ZNF506: variants seen among roughly 807,000 people sequenced by gnomAD.
The protein encoded by ZNF506 is zinc finger protein 506.
A neutral mutation model predicts 11.6 loss-of-function variants in ZNF506; 10 were observed. The ratio of observed to expected loss-of-function variants is 0.86; its 90% CI spans 0.53 to 1.46. The LOEUF (loss-of-function observed/expected upper bound fraction) is 1.46, where lower values mean the gene tolerates loss of function less well. Ranked by LOEUF, ZNF506 falls within the 40% of genes most tolerant of loss-of-function variation. The pLI, the probability that ZNF506 is intolerant of heterozygous loss-of-function variation, is 0.00. For missense variants in ZNF506, 425 were observed against 521.2 expected (o/e 0.82, Z 1.80); for synonymous variants, 156 against 173.3 (o/e 0.90, Z 0.78).
chr19:19,813,115 G>A (rs1452898460), intron 1 of ZNF506, among the ~76,000 whole-genome samples: 1 of 152,104 alleles, frequency 6.6e-6, no homozygotes, highest in Admixed American at 6.5e-5. Context: ...GGTGGTGTTT[G>A]GGTGGCCACA....
chr19:19,818,494 A>C (rs924456179), intron 1 of ZNF506, among the ~76,000 whole-genome samples: 1 of 152,208 alleles, frequency 6.6e-6, no homozygotes, highest in Non-Finnish European at 1.5e-5. Flanking sequence ...TAGCATTCTT[A>C]AAGCTAAGGC....
Position 19,821,743 on chromosome 19 carries a change from G to A in ZNF506, c.-140C>T, listed in dbSNP as rs1363892965. The A allele has an allele frequency of 2.1e-5, 23 of 1,115,376 alleles. No homozygotes were observed. In the South Asian group the frequency reaches 2.3e-4, roughly 11 times the overall value. 69.1% of individuals were successfully genotyped at this position (1,115,376 alleles called of 1,614,324 possible). ...ATAGCTGGATCTCTGGCGTCAGCGAGAGACAATGGGCCCGCCAAAGCCGGA... is the reference window on the plus strand; with the variant it reads ...ATAGCTGGATCTCTGGCGTCAGCGAAAGACAATGGGCCCGCCAAAGCCGGA... On this transcript the variant is annotated 5_prime_UTR_variant, in exon 1 of 4. Coordinates refer to ENST00000540806, the MANE Select transcript of ZNF506 (RefSeq NM_001099269.3).
Position 19,792,864 on chromosome 19 carries a change from G to A in ZNF506, c.*1688C>T, listed in dbSNP as rs2062705344. 1.3e-5 allele frequency among the ~76,000 whole-genome samples: 2 copies of A among 152,060 alleles called. No individual in the cohort carries two copies. The highest frequency in any genetic ancestry group is 2.9e-5 in the Non-Finnish European group (2 of 68,012). Reference sequence around the variant, plus strand: ...AGTCATAGGCTAGGATTATACAAATGAGAACCCCCACCTTATACATTACTT... The same window carrying A: ...AGTCATAGGCTAGGATTATACAAATAAGAACCCCCACCTTATACATTACTT... On this transcript the variant is annotated 3_prime_UTR_variant, in exon 4 of 4. Coordinates refer to ENST00000540806, the MANE Select transcript of ZNF506 (RefSeq NM_001099269.3).
intron 1 of ZNF506, among the ~76,000 whole-genome samples, chr19:19,819,109 GGA>G (rs1228387734): frequency 6.6e-6 from 1 of 152,126 alleles, no homozygotes; most frequent in Non-Finnish European, 1.5e-5. Flanking sequence ...TACCCTCCCA[GGA>G]GACACCGCGC....
At chr19:19,808,209 C>T (rs1386733734) in intron 1 of ZNF506, among the ~76,000 whole-genome samples, 4 of 143,452 alleles carry the variant, frequency 2.8e-5, no homozygotes, top group Non-Finnish European at 6.0e-5. Flanking sequence ...CTGCAAGCTC[C>T]GCCTCCCGGG....
intron 1 of ZNF506, 136 bp downstream of exon 1, chr19:19,821,465 T>C: frequency 8.4e-7 from 1 of 1,189,110 alleles, no homozygotes; most frequent in Non-Finnish European, 1.3e-6. Flanking sequence ...AGCTGGGCAA[T>C]GAGAACTTGG....
chr19:19,797,211 A>C (rs967649174), intron 3 of ZNF506: 10 of 152,196 alleles, frequency 6.6e-5, no homozygotes, highest in Non-Finnish European at 1.2e-4. Flanking sequence ...CTGGGAGGCC[A>C]AGGTGGGGAA....
intron 3 of ZNF506, among the ~76,000 whole-genome samples, chr19:19,803,285 G>A (rs2062809739): frequency 6.6e-6 from 1 of 152,182 alleles, no homozygotes; most frequent in African/African-American, 2.4e-5. Context: ...TTACAGCCAC[G>A]TAGGCAGGCC....
chr19:19,816,279 G>A (rs954177293), intron 1 of ZNF506, among the ~76,000 whole-genome samples: 40 of 151,508 alleles, frequency 2.6e-4, no homozygotes, highest in African/African-American at 9.0e-4. Context: ...TGCCTCCCAG[G>A]TTCAAGCCAT....
At chr19:19,820,982 C>T (rs1257571023) in intron 1 of ZNF506, among the ~76,000 whole-genome samples, 2 of 152,142 alleles carry the variant, frequency 1.3e-5, no homozygotes, top group African/African-American at 4.8e-5. Context: ...TCACGGCAAC[C>T]TCCGCCTACT....
At position 19,794,797 on chromosome 19, in the gene ZNF506, T is replaced by C. The variant is rs1427845821; in HGVS notation, c.1090A>G (p.Thr364Ala). ...SSLSKHKRAH[T>A]GEKPYKCEEC... is the part of the protein sequence containing the mutation. ...TCACACTTGTAGGGTTTCTCTCCAG[T>C]ATGAGCTCTCTTATGTTTAGAGAGG... is the stretch of plus-strand genomic sequence containing the variant. The change falls in exon 4 of 4, where the codon ACT becomes GCT. Residue 364 changes from threonine to alanine, a missense_variant. Thr to Ala is a moderately conservative substitution (Grantham distance 58). Transcript: ENST00000540806. 1 of 1,614,026 alleles carries C rather than the reference T, an allele frequency of 6.2e-7. No homozygotes were observed. Among genetic ancestry groups the C allele is most frequent in the East Asian group, 2.2e-5 (1 of 44,866 alleles).
chr19:19,804,115 C>A (rs2062816363), intron 3 of ZNF506, among the ~76,000 whole-genome samples: 1 of 152,034 alleles, frequency 6.6e-6, no homozygotes, highest in African/African-American at 2.4e-5. Flanking sequence ...AGCTTCTGCA[C>A]AGCAAAAGAA....
At chr19:19,807,974 TAAGA>T (rs2062848539) in intron 1 of ZNF506, among the ~76,000 whole-genome samples, 1 of 151,632 alleles carries the variant, frequency 6.6e-6, no homozygotes, top group Non-Finnish European at 1.5e-5. Flanking sequence ...AGGAAAAAAA[TAAGA>T]AAGGACAGCT....
Position 19,803,409 on chromosome 19 carries a change from G to C in ZNF506, c.226+2622C>G, listed in dbSNP as rs1182657502. Among the ~76,000 whole-genome samples, 5 of 152,182 alleles carry C rather than the reference G, an allele frequency of 3.3e-5. No homozygotes were observed. In the East Asian group the frequency reaches 9.6e-4, roughly 29 times the overall value. On this transcript the variant is annotated intron_variant, in intron 3 of 3. Transcript: ENST00000540806. The stretch of plus-strand genomic sequence containing the variant: ...TACATAGAAACCCACCCAGTTACCT[G>C]AGGAAATGCTCTCTGGTACACAGTG...
In ZNF506 at chr19:19,806,985, A is replaced by G. The variant is rs751868492; in HGVS notation, c.87T>C (p.Tyr29=). The G allele has an allele frequency of 1.9e-6, 3 of 1,614,080 alleles. No individual in the cohort carries two copies. Among genetic ancestry groups the G allele is most frequent in the South Asian group, 2.2e-5 (2 of 91,068 alleles). Reference sequence around the variant, plus strand: ...TGTAGTTCTCTAACATCACATCCCTATATAGATTCCGCTGTGCAGCGTCCA... The same window carrying G: ...TGTAGTTCTCTAACATCACATCCCTGTATAGATTCCGCTGTGCAGCGTCCA... ...HCLDAAQRNL[Y]RDVMLENYRN... Residue 29 remains tyrosine (Y), a synonymous_variant, in exon 2 of 4, where the codon TAT becomes TAC. Transcript: ENST00000540806.
At chr19:19,807,907 TC>T (rs1369114678) in intron 1 of ZNF506, among the ~76,000 whole-genome samples, 2 of 151,970 alleles carry the variant, frequency 1.3e-5, no homozygotes, top group African/African-American at 4.8e-5. Flanking sequence ...GCCTGTGTTT[TC>T]CCCCACATTT....
intron 3 of ZNF506, chr19:19,796,246 A>G (rs2062739522): frequency 6.6e-6 from 1 of 152,282 alleles, no homozygotes. Flanking sequence ...ATGCCATTGT[A>G]CTCCAGCCTA....
At chr19:19,821,086 C>T (rs1369084031) in intron 1 of ZNF506, among the ~76,000 whole-genome samples, 1 of 152,118 alleles carries the variant, frequency 6.6e-6, no homozygotes, top group African/African-American at 2.4e-5. Context: ...TTTTAGTAGA[C>T]ATGGGGTTTC....
chr19:19,794,571 G>C lies in ZNF506; in HGVS notation c.1316C>G (p.Pro439Arg), dbSNP rs771079101. 1 of 1,597,016 alleles carries C rather than the reference G, an allele frequency of 6.3e-7. No homozygotes were observed. The highest frequency in any genetic ancestry group is 8.5e-7 in the Non-Finnish European group (1 of 1,173,208). Residue 439 changes from proline (P) to arginine (R), a missense_variant, in exon 4 of 4, where the codon CCC becomes CGC. Physicochemically the swap from Pro to Arg is moderately radical, Grantham distance 103. Transcript: ENST00000540806. ...NVENLLNVPQ[P>R]LISIR ...TATGAATTATCTTATGCTTATTAAG[G>C]GTTGAGGAACATTTAAAAGATTTTC...
Sources: allele counts gnomAD v4.1 joint callset (sites outside exome capture counted in the v4.1 genomes callset), GRCh38; gene constraint gnomAD v4.1.1; transcripts MANE v1.5; gene names NCBI Gene and HGNC (gene_info 2026-07-23, HGNC 2026-07-21).